The following KIAA1217 variants were observed in gnomAD, a reference collection of about 807,000 sequenced individuals.
KIAA1217 encodes sickle tail protein homolog.
Under a neutral mutation model 163.9 loss-of-function variants are expected in KIAA1217, and 88 were observed. That is an observed-to-expected ratio of 0.54 (90% confidence interval 0.45 to 0.64). The LOEUF (loss-of-function observed/expected upper bound fraction) is 0.64. KIAA1217 is among the 30% of genes least tolerant of loss of function. KIAA1217 has a pLI of 0.00. For missense variants in KIAA1217, 2,372 were observed against 2,475.0 expected (o/e 0.96, Z 0.88); for synonymous variants, 903 against 923.1 (o/e 0.98, Z 0.39).
At chr10:24,092,435 A>G (rs543095975) in intron 2 of KIAA1217, among the ~76,000 whole-genome samples, 66 of 151,868 alleles carry the variant, frequency 4.3e-4, no homozygotes, top group Non-Finnish European at 9.3e-4. Context: ...CCTAATGTTC[A>G]AACAAAGCCT....
intron 1 of KIAA1217, among the ~76,000 whole-genome samples, chr10:23,884,312 A>G (rs986846754): frequency 2.6e-5 from 4 of 151,950 alleles, no homozygotes; most frequent in Admixed American, 6.6e-5. Flanking sequence ...TCTAATACGA[A>G]TATGGTAACA....
intron 1 of KIAA1217, among the ~76,000 whole-genome samples, chr10:23,981,276 C>T (rs2131413238): frequency 6.6e-6 from 1 of 152,248 alleles, no homozygotes. Context: ...GATAAATCTT[C>T]ATTTTAAAAG....
intron 1 of KIAA1217, among the ~76,000 whole-genome samples, chr10:23,761,927 C>T (rs907749339): frequency 6.6e-6 from 1 of 152,022 alleles, no homozygotes; most frequent in Admixed American, 6.6e-5. Context: ...AGGATATCAG[C>T]ACTGACCCCA....
Position 24,520,233 on chromosome 10 carries a change from A to T in KIAA1217, c.2288A>T (p.Glu763Val), listed in dbSNP as rs753205788. ...GCTTTCCTCCTGCGTCAAGTGGGAG[A>T]GGCTGTAGCTACCCTGAAAGGTAAA... is the stretch of plus-strand genomic sequence containing the variant. ...DGAFLLRQVG[E>V]AVATLKGEFP... Residue 763 changes from glutamate (E) to valine (V), a missense_variant, in exon 11 of 21, where the codon GAG (glutamate) becomes GTG (valine). This residue lies in a region of KIAA1217 where 1,431 missense variants were observed against 1,470.3 expected (regional missense o/e 0.97). Coordinates refer to ENST00000376454, the MANE Select transcript of KIAA1217 (RefSeq NM_019590.5). 4 of 1,614,090 alleles carry T rather than the reference A, an allele frequency of 2.5e-6. No individual in the cohort carries two copies. Among genetic ancestry groups the T allele is most frequent in the Non-Finnish European group, 3.4e-6 (4 of 1,180,006 alleles).
intron 2 of KIAA1217, among the ~76,000 whole-genome samples, chr10:24,289,650 T>C (rs547293820): frequency 4.6e-5 from 7 of 152,032 alleles, no homozygotes; most frequent in Admixed American, 3.3e-4. Context: ...AGGGACAAGC[T>C]TGAGAGAGTT....
intron 1 of KIAA1217, among the ~76,000 whole-genome samples, chr10:23,700,638 C>T (rs1244432167): frequency 6.6e-6 from 1 of 152,186 alleles, no homozygotes; most frequent in Non-Finnish European, 1.5e-5. Flanking sequence ...TCCAATAACA[C>T]ACCACACTTG....
rs531226935 is a variant in KIAA1217 at position 24,301,723 on chromosome 10, A to C, written c.355-79146A>C. 1.1e-4 allele frequency among the ~76,000 whole-genome samples: 17 copies of C among 152,232 alleles called. No individual in the cohort carries two copies. The East Asian group carries it at 3.3e-3, about 29-fold the overall frequency. ...AAAGGCAACAGAAGTTCCACAATTA[A>C]TCTTTTCTTGTAAGTAGACTTTATT... On this transcript the variant is annotated intron_variant, in intron 2 of 20. Coordinates refer to ENST00000376454, the MANE Select transcript of KIAA1217 (RefSeq NM_019590.5).
At chr10:23,839,261 G>T (rs1009820055) in intron 1 of KIAA1217, among the ~76,000 whole-genome samples, 1 of 152,036 alleles carries the variant, frequency 6.6e-6, no homozygotes, top group Non-Finnish European at 1.5e-5. Flanking sequence ...ATTTTGAGAT[G>T]ACAAAACCAG....
At chr10:24,335,912 G>GA (rs1393550043) in intron 2 of KIAA1217, among the ~76,000 whole-genome samples, 1 of 152,238 alleles carries the variant, frequency 6.6e-6, no homozygotes, top group Non-Finnish European at 1.5e-5. Context: ...GCACTCAGTT[G>GA]AATTGTGCAC....
At chr10:24,059,808 G>A (rs758074450) in intron 2 of KIAA1217, among the ~76,000 whole-genome samples, 30 of 152,090 alleles carry the variant, frequency 2.0e-4, no homozygotes, top group Non-Finnish European at 1.0e-4. Context: ...CTCACGATCC[G>A]CCCACCTCGG....
At chr10:23,776,816 G>T (rs1427954458) in intron 1 of KIAA1217, among the ~76,000 whole-genome samples, 3 of 151,468 alleles carry the variant, frequency 2.0e-5, no homozygotes, top group African/African-American at 7.3e-5. Context: ...GAGTAGCTGA[G>T]ATTACAGGAG....
At chr10:24,375,031 C>T (rs2052279514) in intron 2 of KIAA1217, among the ~76,000 whole-genome samples, 1 of 152,192 alleles carries the variant, frequency 6.6e-6, no homozygotes, top group Non-Finnish European at 1.5e-5. Flanking sequence ...AGCAATCCAC[C>T]TGCCTAGGCC....
chr10:23,892,065 TG>T (rs1486573975), intron 1 of KIAA1217, among the ~76,000 whole-genome samples: 3 of 151,942 alleles, frequency 2.0e-5, no homozygotes, highest in Admixed American at 6.6e-5. Flanking sequence ...TAAATATGAA[TG>T]GTGATAAAAA....
chr10:24,374,040 A>C (rs940785648), intron 2 of KIAA1217, among the ~76,000 whole-genome samples: 4 of 152,364 alleles, frequency 2.6e-5, no homozygotes, highest in South Asian at 2.1e-4. Context: ...AATCATGAAT[A>C]ACGTCTGGGT....
chr10:23,772,245 C>A (rs1327070296), intron 1 of KIAA1217, among the ~76,000 whole-genome samples: 2 of 152,168 alleles, frequency 1.3e-5, no homozygotes, highest in Non-Finnish European at 2.9e-5. Flanking sequence ...TACCCAACGT[C>A]CTTGGTTAGT....
intron 1 of KIAA1217, among the ~76,000 whole-genome samples, chr10:24,000,452 TA>T: frequency 6.6e-6 from 1 of 152,376 alleles, no homozygotes; most frequent in East Asian, 1.9e-4. Flanking sequence ...GCCATAATTG[TA>T]AGTTTCCTGA....
chr10:23,784,254 C>G (rs946434693), intron 1 of KIAA1217, among the ~76,000 whole-genome samples: 1 of 152,150 alleles, frequency 6.6e-6, no homozygotes, highest in Non-Finnish European at 1.5e-5. Context: ...ATATAGCCAC[C>G]AGTATTCTCT....
rs922087887 is a variant in KIAA1217 at position 23,950,391 on chromosome 10, A to AT, written c.-320-56824dup. ...CATGGTGTTAGCTTTCAATCACATC[A>AT]TTTTTTTTTTATTTTTTTCCCTTGG... On this transcript the variant is annotated intron_variant, in intron 1 of 18. Transcript: ENST00000376462. Among the ~76,000 whole-genome samples, 896 of 148,816 alleles carry AT rather than the reference A, an allele frequency of 6.0e-3. 4 individuals are homozygous for AT. Among genetic ancestry groups the AT allele is most frequent in the Middle Eastern group, 0.025 (7 of 284 alleles).
At chr10:24,038,380 T>A (rs1409720293) in intron 2 of KIAA1217, among the ~76,000 whole-genome samples, 3 of 152,212 alleles carry the variant, frequency 2.0e-5, no homozygotes, top group Non-Finnish European at 2.9e-5. Flanking sequence ...GTGAAGTCTG[T>A]TTCTTGAGTG....
Sources: allele counts gnomAD v4.1 joint callset (sites outside exome capture counted in the v4.1 genomes callset), GRCh38; gene constraint gnomAD v4.1.1; regional missense constraint gnomAD v4.1.1; transcripts MANE v1.5; gene names NCBI Gene and HGNC (gene_info 2026-07-23, HGNC 2026-07-21).